SLC24A2: variants seen among roughly 807,000 people sequenced by gnomAD.
SLC24A2 encodes the protein solute carrier family 24 member 2, also known as sodium/potassium/calcium exchanger 2.
SLC24A2 carries 36 observed loss-of-function variants against 62.0 expected under a neutral mutation model. The ratio of observed to expected loss-of-function variants is 0.58; its 90% CI spans 0.44 to 0.77. SLC24A2 has a LOEUF of 0.77. Among genes scored for constraint, SLC24A2 ranks in the 30% least tolerant of loss-of-function variants. The pLI, the probability that SLC24A2 is intolerant of heterozygous loss-of-function variation, is 0.00. For missense variants in SLC24A2, 846 were observed against 817.9 expected, an observed-to-expected ratio of 1.03 and a Z score of -0.42; for synonymous variants, 358 against 294.0, an observed-to-expected ratio of 1.22 and a Z score of -2.23.
At chr9:20,290,587 C>T in the SLC24A2 span, among the ~76,000 whole-genome samples, 1 of 152,186 alleles carries the variant, frequency 6.6e-6, no homozygotes, top group Non-Finnish European at 1.5e-5. Context: ...TGGAATGAGT[C>T]TCTTGGATCC....
At chr9:19,630,498 T>C (rs1818150070) in intron 2 of SLC24A2, among the ~76,000 whole-genome samples, 1 of 152,158 alleles carries the variant, frequency 6.6e-6, no homozygotes, top group South Asian at 2.1e-4. Flanking sequence ...TTGAATGTAA[T>C]ATAGTGATTT....
the SLC24A2 span, among the ~76,000 whole-genome samples, chr9:20,202,809 A>T: frequency 6.6e-6 from 1 of 152,234 alleles, no homozygotes; most frequent in African/African-American, 2.4e-5. Flanking sequence ...TGGCTTTGAA[A>T]CCAGGAATGG....
At chr9:19,516,709 C>A (rs1832945715) in intron 10 of SLC24A2, among the ~76,000 whole-genome samples, 1 of 152,124 alleles carries the variant, frequency 6.6e-6, no homozygotes, top group Non-Finnish European at 1.5e-5. Context: ...ATTTTGTTTC[C>A]TTCCTAGTTG....
rs1818199582 is a variant in SLC24A2 at position 19,632,288 on chromosome 9, G to GT, written c.931-9990dup. Reference sequence around the variant, plus strand: ...CTATGCCTACCTGGGATGTTACCATGTTATTCCCTCTTGCTCCATTTGCCA... The same window carrying GT: ...CTATGCCTACCTGGGATGTTACCATGTTTATTCCCTCTTGCTCCATTTGCCA... On this transcript the variant is annotated intron_variant, in intron 2 of 10. Coordinates refer to ENST00000341998, the MANE Select transcript of SLC24A2 (RefSeq NM_020344.4). The surrounding 1 kb of genome is among the most constrained non-coding windows in gnomAD (Gnocchi z 4.5). Among the ~76,000 whole-genome samples the GT allele has an allele frequency of 6.6e-6, 1 of 152,188 alleles. No individual in the cohort carries two copies. Among genetic ancestry groups the GT allele is most frequent in the Admixed American group, 6.5e-5 (1 of 15,278 alleles).
intron 8 of SLC24A2, among the ~76,000 whole-genome samples, chr9:19,529,559 C>T (rs919308900): frequency 7.9e-5 from 12 of 152,040 alleles, no homozygotes; most frequent in African/African-American, 1.7e-4. Context: ...TTGATTAAAT[C>T]GGGGGAGGGC....
chr9:20,147,147 A>G, the SLC24A2 span, among the ~76,000 whole-genome samples: 2 of 152,070 alleles, frequency 1.3e-5, 1 homozygote, highest in South Asian at 4.1e-4. Context: ...CTGATCACGA[A>G]CTCACCACAA....
intron 2 of SLC24A2, among the ~76,000 whole-genome samples, chr9:19,712,692 C>T (rs1391024892): frequency 1.3e-5 from 2 of 151,724 alleles, no homozygotes; most frequent in African/African-American, 2.4e-5. Flanking sequence ...AAGCAAGTTC[C>T]CATCTCATGG....
intron 2 of SLC24A2, chr9:19,705,628 C>T (rs1461876451): frequency 4.4e-6 from 1 of 227,294 alleles, no homozygotes; most frequent in Non-Finnish European, 9.6e-6. Context: ...GACAAAAGCC[C>T]CCTAGGATGA....
rs1476945346 is a variant in SLC24A2, at chr9:19,507,659, CCTGT to C, written c.*8490_*8493del. On this transcript the variant is annotated 3_prime_UTR_variant, in exon 11 of 11. Transcript: ENST00000341998. ...GCCTATGTACAAATAAGTAGAGCTT[CCTGT>C]CTATGTACAGACATATTCACAGAGA... 6 of 152,156 alleles carry C rather than the reference CCTGT, an allele frequency of 3.9e-5. No individual in the cohort carries two copies. Among genetic ancestry groups the C allele is most frequent in the South Asian group, 2.1e-4 (1 of 4,828 alleles). 9.4% of individuals were successfully genotyped at this position (152,156 alleles called of 1,614,324 possible).
chr9:19,955,303 C>T, the SLC24A2 span, among the ~76,000 whole-genome samples: 1 of 147,752 alleles, frequency 6.8e-6, no homozygotes, highest in Non-Finnish European at 1.5e-5. Flanking sequence ...AAAGATTCAA[C>T]AAAAAAATTT....
the SLC24A2 span, among the ~76,000 whole-genome samples, chr9:20,055,611 G>A: frequency 2.0e-5 from 3 of 152,158 alleles, no homozygotes; most frequent in African/African-American, 7.2e-5. Flanking sequence ...TACCAGGCCA[G>A]GCGCGGTGGT....
chr9:20,236,730 A>G, the SLC24A2 span, among the ~76,000 whole-genome samples: 3,641 of 152,262 alleles, frequency 0.024, 152 homozygotes, highest in African/African-American at 0.082. Flanking sequence ...TGTTGCATAA[A>G]ATCAGCCTTC....
chr9:20,057,294 C>G, the SLC24A2 span, among the ~76,000 whole-genome samples: 2 of 152,022 alleles, frequency 1.3e-5, no homozygotes, highest in Admixed American at 6.5e-5. Flanking sequence ...TATTAGTAAC[C>G]CATTCCCTAA....
the SLC24A2 span, among the ~76,000 whole-genome samples, chr9:19,817,546 T>TCATGTATATAA: frequency 4.6e-5 from 7 of 151,810 alleles, no homozygotes; most frequent in African/African-American, 1.5e-4. Context: ...GTATATTAAT[T>TCATGTATATAA]TTATAATGGC....
At chr9:19,873,590 T>C in the SLC24A2 span, among the ~76,000 whole-genome samples, 1 of 149,266 alleles carries the variant, frequency 6.7e-6, no homozygotes, top group Non-Finnish European at 1.5e-5. Flanking sequence ...TTCCTTCCCT[T>C]TCCTTTTCCT....
At chr9:19,773,729 C>G (rs1311231172) in intron 2 of SLC24A2, among the ~76,000 whole-genome samples, 3 of 152,138 alleles carry the variant, frequency 2.0e-5, no homozygotes, top group Admixed American at 6.5e-5. Context: ...CAATCCAAGA[C>G]AGAAAACACA....
chr9:19,558,395 C>G (rs1425347264), intron 7 of SLC24A2, among the ~76,000 whole-genome samples: 1 of 152,076 alleles, frequency 6.6e-6, no homozygotes, highest in Admixed American at 6.5e-5. Context: ...CATCTCTACC[C>G]AAGAAAAAGG....
At chr9:19,574,677 T>G (rs1313689199) in intron 6 of SLC24A2, among the ~76,000 whole-genome samples, 1 of 152,228 alleles carries the variant, frequency 6.6e-6, no homozygotes, top group Non-Finnish European at 1.5e-5. Flanking sequence ...ATTTGGATCT[T>G]TATTATAGTG....
At chr9:19,729,388 A>G (rs976823384) in intron 2 of SLC24A2, among the ~76,000 whole-genome samples, 2 of 152,218 alleles carry the variant, frequency 1.3e-5, no homozygotes, top group Non-Finnish European at 2.9e-5. Context: ...AAAAGAAAGG[A>G]AAGAAGTGTA....
Sources: gnomAD v4.1 joint callset for allele counts (sites outside exome capture counted in the v4.1 genomes callset) on GRCh38, gnomAD v4.1.1 for gene constraint, Gnocchi (gnomAD v3.1) non-coding constraint, MANE v1.5 for transcripts, NCBI Gene and HGNC (gene_info 2026-07-23, HGNC 2026-07-21) for gene names.